Variants in CFTR observed in about 807,000 individuals in gnomAD.
CFTR encodes cystic fibrosis transmembrane conductance regulator.
CFTR carries 181 observed loss-of-function variants against 171.6 expected under a neutral mutation model. That is an observed-to-expected ratio of 1.05 (90% CI 0.93 to 1.19). CFTR has a LOEUF of 1.19. Among genes scored for constraint, CFTR ranks in the 50% most tolerant of loss-of-function variants. CFTR has a pLI of 0.00. For missense variants in CFTR, 1,968 were observed against 1,734.7 expected (o/e 1.13, Z -2.39); for synonymous variants, 583 against 608.0 (o/e 0.96, Z 0.60).
chr7:117,667,003 G>T lies in CFTR; in HGVS notation c.4338G>T (p.Arg1446Ser). 6.2e-7 allele frequency: 1 copy of T among 1,613,864 alleles called. No homozygotes were observed. Among genetic ancestry groups the T allele is most frequent in the Non-Finnish European group, 8.5e-7 (1 of 1,179,956 alleles). The change falls in exon 27 of 27, where the codon AGG (arginine) becomes AGT (serine). Residue 1446 changes from arginine to serine, a missense_variant. By Grantham distance (110) the Arg-to-Ser change is moderately radical. Transcript: ENST00000003084. Reference sequence around the variant, plus strand: ...GGCAAGCCATCAGCCCCTCCGACAGGGTGAAGCTCTTTCCCCACCGGAACT... The same window carrying T: ...GGCAAGCCATCAGCCCCTCCGACAGTGTGAAGCTCTTTCCCCACCGGAACT... ...LFRQAISPSD[R>S]VKLFPHRNSS...
At chr7:117,593,787 G>C (rs1479894568) in intron 14 of CFTR, among the ~76,000 whole-genome samples, 1 of 151,996 alleles carries the variant, frequency 6.6e-6, no homozygotes. Flanking sequence ...GTAGAGAAGG[G>C]GTTTCATCAT....
chr7:117,493,758 T>C (rs1045082025), intron 1 of CFTR, among the ~76,000 whole-genome samples: 2 of 152,116 alleles, frequency 1.3e-5, no homozygotes, highest in African/African-American at 4.8e-5. Flanking sequence ...ATTTGTTTTC[T>C]TGAGGGTTAA....
At chr7:117,511,624 A>G (rs1798519775) in intron 3 of CFTR, among the ~76,000 whole-genome samples, 1 of 152,204 alleles carries the variant, frequency 6.6e-6, no homozygotes, top group African/African-American at 2.4e-5. Context: ...GTGAGAAGGC[A>G]GAGAGAAGAA....
At chr7:117,483,025 A>G (rs1170892890) in intron 1 of CFTR, among the ~76,000 whole-genome samples, 2 of 152,236 alleles carry the variant, frequency 1.3e-5, no homozygotes, top group East Asian at 3.8e-4. Context: ...AAATATTGTT[A>G]GGATCTAAGG....
intron 23 of CFTR, among the ~76,000 whole-genome samples, chr7:117,648,960 A>G (rs891321472): frequency 1.3e-5 from 2 of 152,132 alleles, no homozygotes; most frequent in African/African-American, 4.8e-5. Context: ...ACTGTAGACA[A>G]AAGACCTACA....
At chr7:117,571,924 T>C (rs1325407196) in intron 11 of CFTR, among the ~76,000 whole-genome samples, 3 of 152,184 alleles carry the variant, frequency 2.0e-5, no homozygotes, top group African/African-American at 7.2e-5. Context: ...GTAGTAAAAA[T>C]TGCATTCGAA....
At position 117,610,554 on chromosome 7, in the gene CFTR, C is replaced by T. The variant is rs774643457; in HGVS notation, c.3024C>T (p.Val1008=). 1.9e-5 allele frequency: 30 copies of T among 1,613,150 alleles called. 1 individual carries two copies. Among genetic ancestry groups the T allele is most frequent in the Admixed American group, 1.2e-4 (7 of 59,918 alleles). ...TTGTGATTGGAGCTATAGCAGTTGT[C>T]GCAGTTTTACAACCCTACATCTTTG... ...LLIVIGAIAV[V]AVLQPYIFVA... is the part of the protein sequence containing the mutation. Residue 1008 remains valine, a synonymous_variant, in exon 19 of 27, where the codon GTC becomes GTT. Coordinates refer to ENST00000003084, the MANE Select transcript of CFTR (RefSeq NM_000492.4).
chr7:117,535,682 A>G (rs1293165991), intron 6 of CFTR, among the ~76,000 whole-genome samples: 2 of 151,658 alleles, frequency 1.3e-5, no homozygotes, highest in Admixed American at 6.6e-5. Flanking sequence ...TTAGAGGCGC[A>G]TGCCACCACA....
Position 117,603,797 on chromosome 7 carries a change from C to G in CFTR, c.2908+15C>G, listed in dbSNP as rs766686188. ...GTTGAAAGCAGGTACTTTACTAGGT[C>G]TAAGAAATGAAACTGCTGATCCACC... is the stretch of plus-strand genomic sequence containing the variant. On this transcript the variant is annotated intron_variant, in intron 17 of 26. Coordinates refer to ENST00000003084, the MANE Select transcript of CFTR (RefSeq NM_000492.4). 36 of 1,612,710 alleles carry G rather than the reference C, an allele frequency of 2.2e-5. No individual in the cohort carries two copies. Among genetic ancestry groups the G allele is most frequent in the Non-Finnish European group, 3.1e-5 (36 of 1,179,762 alleles).
chr7:117,579,515 C>T (rs939353339), intron 11 of CFTR, among the ~76,000 whole-genome samples: 1 of 151,450 alleles, frequency 6.6e-6, no homozygotes, highest in Non-Finnish European at 1.5e-5. Flanking sequence ...TAAAACAGTG[C>T]CTGACATATA....
chr7:117,666,999 A>G lies in CFTR; in HGVS notation c.4334A>G (p.Asp1445Gly). 1 of 1,613,936 alleles carries G rather than the reference A, an allele frequency of 6.2e-7. No homozygotes were observed. ...SLFRQAISPS[D>G]RVKLFPHRNS... ...TTCCGGCAAGCCATCAGCCCCTCCGACAGGGTGAAGCTCTTTCCCCACCGG... is the reference window on the plus strand; with the variant it reads ...TTCCGGCAAGCCATCAGCCCCTCCGGCAGGGTGAAGCTCTTTCCCCACCGG... Residue 1445 changes from aspartate (D) to glycine (G), a missense_variant, in exon 27 of 27, where the codon GAC becomes GGC. By Grantham distance (94) the Asp-to-Gly change is moderately conservative. Transcript: ENST00000003084.
At chr7:117,484,729 T>C (rs1433195099) in intron 1 of CFTR, among the ~76,000 whole-genome samples, 1 of 151,366 alleles carries the variant, frequency 6.6e-6, no homozygotes, top group African/African-American at 2.4e-5. Flanking sequence ...ATGTAAAATA[T>C]CTTTGTATAT....
At chr7:117,497,509 G>T (rs1425791549) in intron 1 of CFTR, among the ~76,000 whole-genome samples, 1 of 152,188 alleles carries the variant, frequency 6.6e-6, no homozygotes, top group Non-Finnish European at 1.5e-5. Flanking sequence ...AACTGTAGCT[G>T]AGAGATCTTC....
At chr7:117,622,503 CT>C (rs941073580) in intron 21 of CFTR, among the ~76,000 whole-genome samples, 2 of 152,106 alleles carry the variant, frequency 1.3e-5, no homozygotes, top group Admixed American at 6.6e-5. Flanking sequence ...AACTGTGTGA[CT>C]TTTTTACATT....
At chr7:117,489,465 G>A (rs1414697423) in intron 1 of CFTR, among the ~76,000 whole-genome samples, 2 of 151,984 alleles carry the variant, frequency 1.3e-5, no homozygotes, top group African/African-American at 2.4e-5. Context: ...AAGCAAGTAC[G>A]CATGATAAAG....
intron 9 of CFTR, among the ~76,000 whole-genome samples, chr7:117,542,363 A>G (rs1799069644): frequency 6.6e-6 from 1 of 152,132 alleles, no homozygotes; most frequent in Non-Finnish European, 1.5e-5. Flanking sequence ...CCTGGCCAAC[A>G]TGGTAAAACC....
intron 22 of CFTR, among the ~76,000 whole-genome samples, chr7:117,639,115 A>G (rs1317880618): frequency 6.6e-6 from 1 of 152,224 alleles, no homozygotes; most frequent in Non-Finnish European, 1.5e-5. Flanking sequence ...TATTCTGTGC[A>G]GAAAAATTAT....
intron 1 of CFTR, 89 bp from the exon 2 acceptor site, chr7:117,504,164 A>T: frequency 1.3e-6 from 1 of 778,114 alleles, no homozygotes; most frequent in East Asian, 2.5e-5. Flanking sequence ...ATAATTTTCC[A>T]TATGCCAGAA....
At chr7:117,540,493 G>C in intron 8 of CFTR, 147 bp downstream of exon 8, 1 of 708,368 alleles carries the variant, frequency 1.4e-6, no homozygotes, top group Non-Finnish European at 2.3e-6. Flanking sequence ...GCTAATACTA[G>C]GAATGTTCAC....
Sources: gnomAD v4.1 joint callset for allele counts (sites outside exome capture counted in the v4.1 genomes callset) on GRCh38, gnomAD v4.1.1 for gene constraint, MANE v1.5 for transcripts, NCBI Gene and HGNC (gene_info 2026-07-23, HGNC 2026-07-21) for gene names.